The following SGMS1 variants were observed in gnomAD, a reference collection of about 807,000 sequenced individuals.
SGMS1 encodes sphingomyelin synthase 1.
In SGMS1, 13 loss-of-function variants were observed where a neutral mutation model predicts 46.2. That is an observed-to-expected ratio of 0.28 (90% CI 0.18 to 0.45). SGMS1 has a LOEUF of 0.45. SGMS1 is among the 20% of genes least tolerant of loss of function. The pLI, the probability that SGMS1 is intolerant of heterozygous loss-of-function variation, is 1.00. For synonymous variants in SGMS1, 203 were observed against 187.8 expected, an observed-to-expected ratio of 1.08 and a Z score of -0.66; for missense variants, 324 against 519.9, an observed-to-expected ratio of 0.62 and a Z score of 3.66.
intron 2 of SGMS1, among the ~76,000 whole-genome samples, chr10:50,544,235 T>C (rs1423179692): frequency 6.6e-6 from 1 of 152,186 alleles, no homozygotes; most frequent in Non-Finnish European, 1.5e-5. Flanking sequence ...TCTGAGGTAG[T>C]TATGTCCCCA....
chr10:50,494,970 A>G (rs867379227), intron 3 of SGMS1, among the ~76,000 whole-genome samples: 290 of 117,670 alleles, frequency 2.5e-3, no homozygotes, highest in Non-Finnish European at 3.8e-3. Flanking sequence ...CGGGAGGCGG[A>G]GCTTGCAGTG....
At position 50,623,788 on chromosome 10, in the gene SGMS1, G is replaced by C; in HGVS notation, c.-765C>G. 1 of 985,470 alleles carries C rather than the reference G, an allele frequency of 1.0e-6. No homozygotes were observed. Among genetic ancestry groups the C allele is most frequent in the South Asian group, 4.7e-5 (1 of 21,290 alleles). 61.0% of individuals were successfully genotyped at this position (985,470 alleles called of 1,614,324 possible). ...ATGAAATCCGGGGCAGGGCAGCGTCGGGGCTCCGCACCCCAATCGCGCTCT... is the reference window on the plus strand; with the variant it reads ...ATGAAATCCGGGGCAGGGCAGCGTCCGGGCTCCGCACCCCAATCGCGCTCT... On this transcript the variant is annotated 5_prime_UTR_variant, in exon 1 of 11. Transcript: ENST00000361781.
chr10:50,383,065 G>A (rs548364471), intron 6 of SGMS1, among the ~76,000 whole-genome samples: 1 of 152,248 alleles, frequency 6.6e-6, no homozygotes, highest in Non-Finnish European at 1.5e-5. Flanking sequence ...AGGAAGAAAC[G>A]TATACTGAAG....
intron 2 of SGMS1, among the ~76,000 whole-genome samples, chr10:50,523,661 A>G (rs1384067748): frequency 1.3e-5 from 2 of 152,264 alleles, no homozygotes; most frequent in African/African-American, 2.4e-5. Flanking sequence ...AATCCTTTTC[A>G]TATAAATCAT....
intron 6 of SGMS1, among the ~76,000 whole-genome samples, chr10:50,352,240 C>T (rs1421494953): frequency 2.0e-5 from 3 of 152,102 alleles, no homozygotes. Flanking sequence ...CCCCAAGACC[C>T]CAGAGCCCAG....
chr10:50,589,572 C>A (rs768190717), intron 2 of SGMS1, among the ~76,000 whole-genome samples: 3 of 152,200 alleles, frequency 2.0e-5, no homozygotes, highest in East Asian at 1.9e-4. Context: ...TGGGCTCAAG[C>A]GATCCTCCCA....
At chr10:50,613,744 A>C (rs1838771450) in intron 1 of SGMS1, among the ~76,000 whole-genome samples, 2 of 152,250 alleles carry the variant, frequency 1.3e-5, no homozygotes, top group Admixed American at 6.5e-5. Context: ...AAAATATTTA[A>C]ATTATAAAAG....
chr10:50,489,896 C>T (rs1837553562), intron 3 of SGMS1, among the ~76,000 whole-genome samples: 2 of 152,150 alleles, frequency 1.3e-5, no homozygotes, highest in South Asian at 4.1e-4. Context: ...ATGGCTTGAA[C>T]CCAGGAGGTG....
chr10:50,604,920 T>C (rs986734191), intron 1 of SGMS1, among the ~76,000 whole-genome samples: 2 of 152,250 alleles, frequency 1.3e-5, no homozygotes, highest in African/African-American at 4.8e-5. Flanking sequence ...CATCTTCAGA[T>C]AGATCATGTG....
intron 3 of SGMS1, among the ~76,000 whole-genome samples, chr10:50,505,796 T>C (rs985371049): frequency 1.3e-5 from 2 of 152,008 alleles, no homozygotes; most frequent in African/African-American, 4.8e-5. Context: ...AGGGAAAGTC[T>C]CCCTAACAGG....
At chr10:50,349,322 TC>T (rs1847966725) in intron 6 of SGMS1, among the ~76,000 whole-genome samples, 1 of 152,340 alleles carries the variant, frequency 6.6e-6, no homozygotes, top group African/African-American at 2.4e-5. Flanking sequence ...AATCCTTTTC[TC>T]CTCCCTGAAT....
chr10:50,351,387 A>G (rs796542835), intron 6 of SGMS1, among the ~76,000 whole-genome samples: 21 of 152,268 alleles, frequency 1.4e-4, no homozygotes, highest in African/African-American at 5.1e-4. Context: ...ATGAGTTAAG[A>G]CTTTGGGGGA....
Position 50,308,151 on chromosome 10 carries a change from GA to G in SGMS1, c.896-4del. 2 of 1,612,110 alleles carry G rather than the reference GA, an allele frequency of 1.2e-6. No individual in the cohort carries two copies. Among genetic ancestry groups the G allele is most frequent in the Non-Finnish European group, 1.7e-6 (2 of 1,178,864 alleles). Reference sequence around the variant, plus strand: ...CCACCAGAGTCGCCGAGGGGAATCTGAAAGGGGGAGAGATTTGCAATAGTCC... The same window carrying G: ...CCACCAGAGTCGCCGAGGGGAATCTGAAGGGGGAGAGATTTGCAATAGTCC... On this transcript the variant is annotated splice_region_variant and splice_polypyrimidine_tract_variant and intron_variant, in intron 9 of 10. Transcript: ENST00000361781.
intron 1 of SGMS1, among the ~76,000 whole-genome samples, chr10:50,614,905 G>C (rs1408793362): frequency 6.6e-6 from 1 of 152,242 alleles, no homozygotes; most frequent in Non-Finnish European, 1.5e-5. Flanking sequence ...AAGGTATGAT[G>C]ACAATATCCA....
In SGMS1 at chr10:50,616,422, T is replaced by C. The variant is rs561962027; in HGVS notation, c.-684+7285A>G. 1.3e-3 allele frequency among the ~76,000 whole-genome samples: 205 copies of C among 152,296 alleles called. 2 individuals are homozygous for C. The highest frequency in any genetic ancestry group is 4.6e-3 in the South Asian group (22 of 4,830). ...AAGTGTTGGGATTACAGGTGTGAAC[T>C]ACCATACCCAGACAGTTTATGCTAT... On this transcript the variant is annotated intron_variant, in intron 1 of 10. Coordinates refer to ENST00000361781, the MANE Select transcript of SGMS1 (RefSeq NM_147156.4).
chr10:50,512,719 G>A (rs976145480), intron 3 of SGMS1, among the ~76,000 whole-genome samples: 5 of 152,190 alleles, frequency 3.3e-5, no homozygotes, highest in East Asian at 1.9e-4. Context: ...ATTAGTAAAC[G>A]CAAGAACTCC....
chr10:50,575,757 T>C (rs116839938), intron 2 of SGMS1, among the ~76,000 whole-genome samples: 1,656 of 152,156 alleles, frequency 0.011, 27 homozygotes, highest in African/African-American at 0.039. Flanking sequence ...GGTTTTTGTA[T>C]ACAAATTATA....
intron 6 of SGMS1, among the ~76,000 whole-genome samples, chr10:50,377,923 T>G (rs934173196): frequency 2.0e-5 from 3 of 152,206 alleles, no homozygotes; most frequent in African/African-American, 4.8e-5. Context: ...GCCCCTGTCT[T>G]ATAAGGATAC....
intron 3 of SGMS1, among the ~76,000 whole-genome samples, chr10:50,504,682 C>A (rs1259649510): frequency 6.6e-6 from 1 of 152,044 alleles, no homozygotes; most frequent in Non-Finnish European, 1.5e-5. Context: ...GCCTCCTATA[C>A]AAACATCAAT....
Sources: allele counts gnomAD v4.1 joint callset (sites outside exome capture counted in the v4.1 genomes callset), GRCh38; gene constraint gnomAD v4.1.1; transcripts MANE v1.5; gene names NCBI Gene and HGNC (gene_info 2026-07-23, HGNC 2026-07-21).